FRMPD1: variants seen among roughly 807,000 people sequenced by gnomAD.
The protein encoded by FRMPD1 is FERM and PDZ domain-containing protein 1.
A neutral mutation model predicts 117.8 loss-of-function variants in FRMPD1; 76 were observed. The observed-to-expected ratio is 0.65, with a 90% CI of 0.54 to 0.78. The LOEUF is 0.78. Among genes scored for constraint, FRMPD1 ranks in the 30% least tolerant of loss-of-function variants. The probability of loss-of-function intolerance (pLI) is 0.00; values close to 1 mark genes in which losing one functional copy is unlikely to be tolerated. For missense variants in FRMPD1, 1,786 were observed against 1,964.5 expected (o/e 0.91, Z 1.72); for synonymous variants, 783 against 770.4 (o/e 1.02, Z -0.27).
intron 1 of FRMPD1, among the ~76,000 whole-genome samples, chr9:37,655,597 G>A (rs919871941): frequency 6.9e-6 from 1 of 145,360 alleles, no homozygotes; most frequent in African/African-American, 2.6e-5. Flanking sequence ...TCTGCCTCCC[G>A]GGTTCAAGCA....
chr9:37,698,624 C>T (rs1341846229), intron 2 of FRMPD1, among the ~76,000 whole-genome samples: 6 of 126,024 alleles, frequency 4.8e-5, no homozygotes, highest in African/African-American at 6.3e-5. Context: ...TGCAGTGGTG[C>T]GATCTTGGCT....
At chr9:37,706,452 G>A (rs1170809597) in intron 2 of FRMPD1, among the ~76,000 whole-genome samples, 1 of 152,174 alleles carries the variant, frequency 6.6e-6, no homozygotes, top group Non-Finnish European at 1.5e-5. Flanking sequence ...TCCCAAGACA[G>A]CTATTACTCC....
the FRMPD1 span, among the ~76,000 whole-genome samples, chr9:37,638,006 TTC>T: frequency 9.5e-5 from 12 of 125,928 alleles, 4 homozygotes; most frequent in Non-Finnish European, 2.0e-4. Flanking sequence ...CTTTCTTTCT[TTC>T]TTTCTTTCTT....
chr9:37,650,038 T>G (rs1377356572), upstream of FRMPD1, among the ~76,000 whole-genome samples: 1 of 152,074 alleles, frequency 6.6e-6, no homozygotes, highest in Admixed American at 6.5e-5. Context: ...CTTGGCCCCG[T>G]GGGATTGGGT....
At chr9:37,638,297 T>C in the FRMPD1 span, among the ~76,000 whole-genome samples, 1 of 152,110 alleles carries the variant, frequency 6.6e-6, no homozygotes, top group Non-Finnish European at 1.5e-5. Context: ...GGTCTCGAAC[T>C]CCTGACCTCA....
At position 37,737,233 on chromosome 9, in the gene FRMPD1, T is replaced by G; in HGVS notation, c.1539T>G (p.Ser513=). The change falls in exon 14 of 16, where the codon TCT becomes TCG. Residue 513 remains serine (S), a synonymous_variant. Coordinates refer to ENST00000377765, the MANE Select transcript of FRMPD1 (RefSeq NM_014907.3). ...ACAAACAACAAGCGCACCGGGTATC[T>G]GCAGAAGAAGGTGAGGCACTGAGTC... The part of the protein sequence containing the change: ...PGNKQQAHRV[S]AEEGYESRAC... 1 of 1,614,102 alleles carries G rather than the reference T, an allele frequency of 6.2e-7. No individual in the cohort carries two copies. Among genetic ancestry groups the G allele is most frequent in the African/African-American group, 1.3e-5 (1 of 75,022 alleles).
At chr9:37,709,854 C>G (rs1386656347) in intron 4 of FRMPD1, among the ~76,000 whole-genome samples, 4 of 152,188 alleles carry the variant, frequency 2.6e-5, no homozygotes, top group Non-Finnish European at 5.9e-5. Context: ...TGAATGCCAG[C>G]ACAGCATGTT....
At position 37,714,983 on chromosome 9, in the gene FRMPD1, T is replaced by C. The variant is rs185342038; in HGVS notation, c.408+3588T>C. 6.5e-3 allele frequency among the ~76,000 whole-genome samples: 987 copies of C among 152,270 alleles called. 9 individuals are homozygous for C. Among genetic ancestry groups the C allele is most frequent in the Non-Finnish European group, 0.011 (727 of 68,016 alleles). ...TTAAAAACATTGCAAAATGATCATA[T>C]ATGTCTTGCTTTAGCAAGGAGCCTC... is the stretch of plus-strand genomic sequence containing the variant. On this transcript the variant is annotated intron_variant, in intron 5 of 15. Transcript: ENST00000377765.
chr9:37,716,187 A>T (rs1437993890), intron 5 of FRMPD1, among the ~76,000 whole-genome samples: 1 of 152,198 alleles, frequency 6.6e-6, no homozygotes, highest in Non-Finnish European at 1.5e-5. Context: ...AGGCTCAATC[A>T]CACTGTCGGC....
At chr9:37,667,438 T>A (rs1821197883) in intron 1 of FRMPD1, among the ~76,000 whole-genome samples, 1 of 150,150 alleles carries the variant, frequency 6.7e-6, no homozygotes. Context: ...TTCGGGAGGC[T>A]GAGGCGGGCG....
the FRMPD1 span, among the ~76,000 whole-genome samples, chr9:37,636,140 G>C: frequency 2.0e-5 from 3 of 152,220 alleles, 1 homozygote. Context: ...TGGGAGTGTG[G>C]GAGGGGAGAG....
rs1402248458 is a variant in FRMPD1 at position 37,740,575 on chromosome 9, T to C, written c.2047T>C (p.Phe683Leu). The C allele has an allele frequency of 6.2e-7, 1 of 1,614,152 alleles. No homozygotes were observed. The highest frequency in any genetic ancestry group is 8.5e-7 in the Non-Finnish European group (1 of 1,180,014). Reference sequence around the variant, plus strand: ...TTCCGAGAGTGCTGCTTTGGAGACATTTGGCTGGGCACCAGAACTGAGCAC... The same window carrying C: ...TTCCGAGAGTGCTGCTTTGGAGACACTTGGCTGGGCACCAGAACTGAGCAC... ...EFSESAALET[F>L]GWAPELSTVR... Residue 683 changes from phenylalanine to leucine, a missense_variant, in exon 15 of 16, where the codon TTT becomes CTT. By Grantham distance (22) the Phe-to-Leu change is conservative (BLOSUM62 0). Transcript: ENST00000377765. This position sits in a 1 kb window ranked among gnomAD's most constrained non-coding sequence, Gnocchi z 4.2.
At chr9:37,640,683 T>C in the FRMPD1 span, among the ~76,000 whole-genome samples, 364 of 152,296 alleles carry the variant, frequency 2.4e-3, 4 homozygotes, top group African/African-American at 8.3e-3. Context: ...TGTCTGTCAA[T>C]AGTAGACTCA....
At chr9:37,613,923 C>T in the FRMPD1 span, among the ~76,000 whole-genome samples, 1 of 152,080 alleles carries the variant, frequency 6.6e-6, no homozygotes, top group Non-Finnish European at 1.5e-5. Flanking sequence ...TCCACACTTG[C>T]CTCCTACTGC....
intron 1 of FRMPD1, among the ~76,000 whole-genome samples, chr9:37,661,058 G>A (rs1347511615): frequency 6.6e-6 from 1 of 152,170 alleles, no homozygotes; most frequent in African/African-American, 2.4e-5. Context: ...AGCCAAGTTA[G>A]TAGAGACTTG....
At chr9:37,665,818 A>G (rs1273470493) in intron 1 of FRMPD1, among the ~76,000 whole-genome samples, 1 of 152,132 alleles carries the variant, frequency 6.6e-6, no homozygotes, top group Admixed American at 6.5e-5. Flanking sequence ...CTCCTGCCTT[A>G]TGGTTCTGGA....
intron 12 of FRMPD1, among the ~76,000 whole-genome samples, chr9:37,734,154 G>A (rs1454657246): frequency 6.6e-6 from 1 of 152,186 alleles, no homozygotes; most frequent in Non-Finnish European, 1.5e-5. Flanking sequence ...AGCACTGCTT[G>A]CTTCAGGGTA....
chr9:37,633,127 G>C, the FRMPD1 span, among the ~76,000 whole-genome samples: 1 of 151,412 alleles, frequency 6.6e-6, no homozygotes, highest in Admixed American at 6.6e-5. Flanking sequence ...TGCAACCTCT[G>C]CTCCCAGGTT....
At chr9:37,702,512 T>C (rs1170692887) in intron 2 of FRMPD1, among the ~76,000 whole-genome samples, 1 of 152,240 alleles carries the variant, frequency 6.6e-6, no homozygotes, top group Admixed American at 6.5e-5. Context: ...AAGGAAGATA[T>C]GACCTTTGAG....
Sources: gnomAD v4.1 joint callset for allele counts (sites outside exome capture counted in the v4.1 genomes callset) on GRCh38, gnomAD v4.1.1 for gene constraint, Gnocchi (gnomAD v3.1) non-coding constraint, MANE v1.5 for transcripts, NCBI Gene and HGNC (gene_info 2026-07-23, HGNC 2026-07-21) for gene names.